The following SCFD2 variants were observed in gnomAD, a reference collection of about 807,000 sequenced individuals.
SCFD2 encodes sec1 family domain containing 2.
Under a neutral mutation model 58.9 loss-of-function variants are expected in SCFD2, and 54 were observed. The observed-to-expected ratio is 0.92, with a 90% CI of 0.74 to 1.15. The LOEUF is 1.15. SCFD2 is among the 50% of genes most tolerant of loss of function. The pLI, the probability that SCFD2 is intolerant of heterozygous loss-of-function variation, is 0.00. For missense variants in SCFD2, 805 were observed against 836.6 expected (o/e 0.96, Z 0.47); for synonymous variants, 321 against 335.9 (o/e 0.96, Z 0.49).
At chr4:53,344,421 T>G (rs890574485) in intron 2 of SCFD2, among the ~76,000 whole-genome samples, 2 of 151,686 alleles carry the variant, frequency 1.3e-5, no homozygotes, top group Non-Finnish European at 2.9e-5. Context: ...CAAGGAGAAC[T>G]ACAAACCACT....
In SCFD2 at chr4:53,043,432, T is replaced by A. The variant is rs557025167; in HGVS notation, c.1561+101901A>T. The stretch of plus-strand genomic sequence containing the variant: ...TGCTGAGAAAAGAAATCAGCCATGC[T>A]TAATTTTAAATAATTGGTGACCATG... On this transcript the variant is annotated intron_variant, in intron 5 of 8. Transcript: ENST00000401642. 4.6e-5 allele frequency among the ~76,000 whole-genome samples: 7 copies of A among 152,346 alleles called. No homozygotes were observed. The East Asian group carries it at 1.3e-3, about 29-fold the overall frequency.
intron 4 of SCFD2, among the ~76,000 whole-genome samples, chr4:53,254,854 T>C (rs1341278877): frequency 7.0e-6 from 1 of 143,764 alleles, no homozygotes; most frequent in Non-Finnish European, 1.5e-5. Flanking sequence ...TATTTTATTT[T>C]ATTTTATTTA....
chr4:53,136,295 T>G lies in SCFD2; in HGVS notation c.1561+9038A>C, dbSNP rs543960286. Among the ~76,000 whole-genome samples the G allele has an allele frequency of 5.3e-5, 8 of 152,322 alleles. No homozygotes were observed. The East Asian group carries it at 1.5e-3, about 29-fold the overall frequency. On this transcript the variant is annotated intron_variant, in intron 5 of 8. Transcript: ENST00000401642. ...TCATTGAACAGGCTATGATTGGTGATTTGAGGCAAGTCAAATAACCTTTTG... is the reference window on the plus strand; with the variant it reads ...TCATTGAACAGGCTATGATTGGTGAGTTGAGGCAAGTCAAATAACCTTTTG...
chr4:52,892,357 T>A (rs2109453977), intron 7 of SCFD2, among the ~76,000 whole-genome samples: 1 of 152,298 alleles, frequency 6.6e-6, no homozygotes, highest in South Asian at 2.1e-4. Flanking sequence ...CTTGTTTCTG[T>A]CTTGTGCACT....
intron 3 of SCFD2, among the ~76,000 whole-genome samples, chr4:53,282,575 T>C (rs1343093615): frequency 2.6e-5 from 4 of 152,132 alleles, no homozygotes; most frequent in Admixed American, 2.6e-4. Context: ...CAACCATCAG[T>C]GTGGTATAAT....
At chr4:53,363,715 C>T (rs1310400795) in intron 1 of SCFD2, among the ~76,000 whole-genome samples, 3 of 147,870 alleles carry the variant, frequency 2.0e-5, no homozygotes, top group Admixed American at 1.4e-4. Context: ...CCCAGCTACT[C>T]GGGAGGTTGA....
At chr4:53,293,122 C>T (rs1731900425) in intron 3 of SCFD2, among the ~76,000 whole-genome samples, 2 of 151,910 alleles carry the variant, frequency 1.3e-5, no homozygotes, top group Admixed American at 1.3e-4. Flanking sequence ...ATTATGCAGC[C>T]ATAAAAAGGA....
intron 2 of SCFD2, among the ~76,000 whole-genome samples, chr4:53,335,903 C>A (rs552757244): frequency 6.6e-6 from 1 of 152,182 alleles, no homozygotes; most frequent in Admixed American, 6.5e-5. Context: ...AAAAATTATG[C>A]GGGGTATTGT....
At chr4:53,145,897 A>G (rs1726315703) in intron 4 of SCFD2, among the ~76,000 whole-genome samples, 1 of 152,188 alleles carries the variant, frequency 6.6e-6, no homozygotes, top group African/African-American at 2.4e-5. Flanking sequence ...ATGAAATTTT[A>G]AAGAAAAATA....
At chr4:53,298,907 A>G (rs1238717103) in intron 3 of SCFD2, among the ~76,000 whole-genome samples, 1 of 152,216 alleles carries the variant, frequency 6.6e-6, no homozygotes, top group Non-Finnish European at 1.5e-5. Context: ...AGGAAAACTA[A>G]CAAAGAGAAA....
At chr4:53,062,362 C>T (rs75696294) in intron 5 of SCFD2, among the ~76,000 whole-genome samples, 6 of 149,570 alleles carry the variant, frequency 4.0e-5, no homozygotes, top group East Asian at 2.0e-4. Flanking sequence ...ACAGAGACTC[C>T]GTCTCAAAGA....
intron 4 of SCFD2, among the ~76,000 whole-genome samples, chr4:53,156,473 A>G (rs113000702): frequency 0.16 from 23,946 of 151,484 alleles, 2,359 homozygotes; most frequent in Admixed American, 0.24. Context: ...CAAGGCGGGC[A>G]GATCATGAGG....
chr4:53,183,971 T>C lies in SCFD2; in HGVS notation c.1312-38389A>G, dbSNP rs1186476485. On this transcript the variant is annotated intron_variant, in intron 4 of 8. Coordinates refer to ENST00000401642, the MANE Select transcript of SCFD2 (RefSeq NM_152540.4). Reference sequence around the variant, plus strand: ...CAGTTAATCCAAGCAAGGATGATGATGTAGCCAGTTTCATCAGCATTGCCT... The same window carrying C: ...CAGTTAATCCAAGCAAGGATGATGACGTAGCCAGTTTCATCAGCATTGCCT... Among the ~76,000 whole-genome samples, 8 of 152,284 alleles carry C rather than the reference T, an allele frequency of 5.3e-5. No homozygotes were observed. The East Asian group carries it at 1.4e-3, about 26-fold the overall frequency.
At chr4:53,309,519 A>C (rs1482207035) in intron 3 of SCFD2, among the ~76,000 whole-genome samples, 1 of 152,112 alleles carries the variant, frequency 6.6e-6, no homozygotes, top group Non-Finnish European at 1.5e-5. Context: ...AGTCAAGGGG[A>C]TGTTGGCGGT....
chr4:53,008,954 C>A (rs1252367897), intron 5 of SCFD2, among the ~76,000 whole-genome samples: 1 of 152,148 alleles, frequency 6.6e-6, no homozygotes, highest in Non-Finnish European at 1.5e-5. Context: ...GATGTGTGAT[C>A]CTGACAGAAC....
chr4:53,055,391 C>T (rs972955412), intron 5 of SCFD2, among the ~76,000 whole-genome samples: 1 of 152,102 alleles, frequency 6.6e-6, no homozygotes, highest in Non-Finnish European at 1.5e-5. Flanking sequence ...TGGCCTCTCT[C>T]CCCTGTGTTC....
intron 5 of SCFD2, among the ~76,000 whole-genome samples, chr4:53,066,429 T>C (rs1032955593): frequency 2.6e-5 from 4 of 152,122 alleles, no homozygotes; most frequent in African/African-American, 9.7e-5. Context: ...ACAGTCAATG[T>C]ATGTGCTCTT....
At chr4:53,103,083 G>T (rs1724876410) in intron 5 of SCFD2, among the ~76,000 whole-genome samples, 1 of 152,118 alleles carries the variant, frequency 6.6e-6, no homozygotes, top group African/African-American at 2.4e-5. Flanking sequence ...AATCAATGGG[G>T]AAAAGTTTGA....
chr4:53,121,151 G>A (rs773447163), intron 5 of SCFD2, among the ~76,000 whole-genome samples: 1 of 152,094 alleles, frequency 6.6e-6, no homozygotes, highest in Non-Finnish European at 1.5e-5. Flanking sequence ...CAGAACTGTC[G>A]CTCATTATAA....
Sources: gnomAD v4.1 joint callset for allele counts (sites outside exome capture counted in the v4.1 genomes callset) on GRCh38, gnomAD v4.1.1 for gene constraint, MANE v1.5 for transcripts, NCBI Gene and HGNC (gene_info 2026-07-23, HGNC 2026-07-21) for gene names.